ANGEL1: variants seen among roughly 807,000 people sequenced by gnomAD.
ANGEL1 encodes angel homolog 1.
In ANGEL1, 62 loss-of-function variants were observed where a neutral mutation model predicts 76.4. That is an observed-to-expected ratio of 0.81 (90% CI 0.66 to 1.00). The LOEUF (loss-of-function observed/expected upper bound fraction) is 1.00, where lower values mean the gene tolerates loss of function less well. ANGEL1 is among the 50% of genes least tolerant of loss of function. The pLI is 0.00. For synonymous variants in ANGEL1, 340 were observed against 331.7 expected (o/e 1.03, Z -0.27); for missense variants, 737 against 836.7 (o/e 0.88, Z 1.47).
chr14:76,812,824 T>C lies in ANGEL1; in HGVS notation c.4A>G (p.Ile2Val), dbSNP rs1208101245. 5 of 1,513,070 alleles carry C rather than the reference T, an allele frequency of 3.3e-6. No homozygotes were observed. Among genetic ancestry groups the C allele is most frequent in the South Asian group, 1.2e-5 (1 of 81,270 alleles). The allele number at this position is 1,513,070 out of a possible 1,614,324, so 93.7% of individuals were successfully genotyped here. Residue 2 changes from isoleucine to valine, a missense_variant, in exon 1 of 10, where the codon ATC (isoleucine) becomes GTC (valine). By Grantham distance (29) the Ile-to-Val change is conservative (BLOSUM62 3). Transcript: ENST00000251089. M[I>V]ASCLCYLLLP... ...AGCAGGTAACACAAGCACGACGCGATCATGGCCGGCCGCCCGCGCCCGCCT... is the reference window on the plus strand; with the variant it reads ...AGCAGGTAACACAAGCACGACGCGACCATGGCCGGCCGCCCGCGCCCGCCT...
intron 2 of ANGEL1, 132 bp downstream of exon 2, chr14:76,808,927 A>G: frequency 1.2e-6 from 1 of 858,324 alleles, no homozygotes; most frequent in Non-Finnish European, 1.8e-6. Context: ...TAGATCTGAC[A>G]TGCCAAGATT....
chr14:76,800,478 T>C (rs1369829902), intron 7 of ANGEL1, among the ~76,000 whole-genome samples: 2 of 152,232 alleles, frequency 1.3e-5, no homozygotes, highest in Non-Finnish European at 2.9e-5. Flanking sequence ...CCAATTCAAG[T>C]TAAATTCTTA....
At chr14:76,792,040 C>CA (rs1894421858) in intron 7 of ANGEL1, among the ~76,000 whole-genome samples, 1 of 152,034 alleles carries the variant, frequency 6.6e-6, no homozygotes, top group Admixed American at 6.6e-5. Flanking sequence ...ACAGAATACT[C>CA]AAATTACTAA....
rs763634438 is a variant in ANGEL1, at chr14:76,812,835, C to G, written c.-8G>C. On this transcript the variant is annotated 5_prime_UTR_variant, in exon 1 of 10. Transcript: ENST00000251089. ...CAAGCACGACGCGATCATGGCCGGC[C>G]GCCCGCGCCCGCCTCCGCTCCTCAC... The G allele has an allele frequency of 4.6e-6, 7 of 1,507,076 alleles. No individual in the cohort carries two copies. In the South Asian group the frequency reaches 6.2e-5, roughly 13 times the overall value. 93.4% of individuals were successfully genotyped at this position (1,507,076 alleles called of 1,614,324 possible). A position where few individuals can be genotyped will look rare whatever the true frequency, so the allele number is the denominator to read the frequency against.
Position 76,789,170 on chromosome 14 carries a change from C to A in ANGEL1, c.*58G>T. ...TTTCTAGATGCATGGGATTTTTCCACAGTCTCTGATCCAGTGAGCTCTTCT... is the reference window on the plus strand; with the variant it reads ...TTTCTAGATGCATGGGATTTTTCCAAAGTCTCTGATCCAGTGAGCTCTTCT... On this transcript the variant is annotated 3_prime_UTR_variant, in exon 10 of 10. Coordinates refer to ENST00000251089, the MANE Select transcript of ANGEL1 (RefSeq NM_015305.4). The A allele has an allele frequency of 6.3e-7, 1 of 1,576,976 alleles. No individual in the cohort carries two copies. Among genetic ancestry groups the A allele is most frequent in the Non-Finnish European group, 8.6e-7 (1 of 1,162,584 alleles).
chr14:76,807,449 G>T lies in ANGEL1; in HGVS notation c.930C>A (p.Pro310=). ...QEDHYWEQLE[P]SLRMMGFTCF... ...CTGCATTACCCATCATTCGCAGAGA[G>T]GGTTCCAGCTGCTCCCAGTAATGAT... Residue 310 remains proline, a synonymous_variant, in exon 4 of 10, where the codon CCC becomes CCA. Transcript: ENST00000251089. The T allele has an allele frequency of 6.2e-7, 1 of 1,612,952 alleles. No individual in the cohort carries two copies. Among genetic ancestry groups the T allele is most frequent in the Non-Finnish European group, 8.5e-7 (1 of 1,179,526 alleles).
intron 1 of ANGEL1, chr14:76,812,281 G>A (rs762136043): frequency 1.3e-5 from 13 of 990,390 alleles, no homozygotes; most frequent in Non-Finnish European, 1.6e-5. Context: ...CCAGGTGGCA[G>A]TGAAAGGCGA....
In ANGEL1 at chr14:76,807,504, TG is replaced by T. The variant is rs1403284036; in HGVS notation, c.877-3del. ...CTGGACTTCCTGGAGACACAGGATC[TG>T]GGAAATTGACAAGAAACCCAATCAC... On this transcript the variant is annotated splice_region_variant and splice_polypyrimidine_tract_variant and intron_variant, in intron 3 of 9. Transcript: ENST00000251089. 1.2e-6 allele frequency: 2 copies of T among 1,613,250 alleles called. No homozygotes were observed. The highest frequency in any genetic ancestry group is 8.5e-7 in the Non-Finnish European group (1 of 1,179,768).
intron 7 of ANGEL1, among the ~76,000 whole-genome samples, chr14:76,802,013 A>G: frequency 6.6e-6 from 1 of 151,932 alleles, no homozygotes; most frequent in African/African-American, 2.4e-5. Flanking sequence ...AAAAAAAGAA[A>G]AAAAAAAAAT....
chr14:76,801,943 G>A lies in ANGEL1; in HGVS notation c.1618+1428C>T, dbSNP rs548434400. Reference sequence around the variant, plus strand: ...AGGCCAAGGCAGGCAGACTGCCTGAGGTCAGGAGTTCGAGACCAGCCTGGA... The same window carrying A: ...AGGCCAAGGCAGGCAGACTGCCTGAAGTCAGGAGTTCGAGACCAGCCTGGA... On this transcript the variant is annotated intron_variant, in intron 7 of 9. Coordinates refer to ENST00000251089, the MANE Select transcript of ANGEL1 (RefSeq NM_015305.4). Among the ~76,000 whole-genome samples the A allele has an allele frequency of 1.3e-4, 20 of 152,144 alleles. No homozygotes were observed. The South Asian group carries it at 2.7e-3, about 21-fold the overall frequency.
rs1894333023 is a variant in ANGEL1, at chr14:76,789,440, A to C, written c.1853-52T>G. 1.9e-6 allele frequency: 3 copies of C among 1,600,272 alleles called. No homozygotes were observed. In the South Asian group the frequency reaches 3.4e-5, roughly 18 times the overall value. ...GTAAAAGCAGCCGCAGCCACACTGC[A>C]TGGGCAGGCAGTGGCAGAGTCCTTT... On this transcript the variant is annotated intron_variant, in intron 9 of 9. Transcript: ENST00000251089.
intron 1 of ANGEL1, 182 bp downstream of exon 1, chr14:76,812,582 G>A (rs1256343744): frequency 7.9e-7 from 1 of 1,270,580 alleles, no homozygotes; most frequent in East Asian, 3.2e-5. Flanking sequence ...GCCAGGTCCA[G>A]GCCTCGTGGG....
intron 3 of ANGEL1, 48 bp downstream of exon 3, chr14:76,807,874 C>G: frequency 6.3e-7 from 1 of 1,597,470 alleles, no homozygotes. Context: ...TGGGCAACAG[C>G]CCAGGTCCAG....
chr14:76,803,429 G>A lies in ANGEL1; in HGVS notation c.1560C>T (p.Ile520=), dbSNP rs1470133203. Reference sequence around the variant, plus strand: ...CCAGTCCTACTGGTCGCTGACAAGCGATGCTGCAGAAGCGGAAACGTAGCA... The same window carrying A: ...CCAGTCCTACTGGTCGCTGACAAGCAATGCTGCAGAAGCGGAAACGTAGCA... ...DFLLRFRFCS[I]ACQRPVGLVL... The change falls in exon 7 of 10, where the codon ATC becomes ATT. Residue 520 remains isoleucine (I), a synonymous_variant. Transcript: ENST00000251089. 1.1e-5 allele frequency: 18 copies of A among 1,614,088 alleles called. No individual in the cohort carries two copies. Among genetic ancestry groups the A allele is most frequent in the South Asian group, 2.2e-5 (2 of 91,088 alleles).
At chr14:76,791,618 A>AT (rs1894408045) in intron 7 of ANGEL1, among the ~76,000 whole-genome samples, 1 of 152,140 alleles carries the variant, frequency 6.6e-6, no homozygotes, top group African/African-American at 2.4e-5. Flanking sequence ...CTTTAATTTG[A>AT]TTAAAAAAAA....
intron 7 of ANGEL1, among the ~76,000 whole-genome samples, chr14:76,794,338 C>A (rs748207875): frequency 2.6e-5 from 4 of 152,070 alleles, no homozygotes; most frequent in Non-Finnish European, 5.9e-5. Context: ...ATGTTACGAA[C>A]AACTTCACGC....
rs896044969 is a variant in ANGEL1, at chr14:76,803,552, A to G, written c.1508-71T>C. On this transcript the variant is annotated intron_variant, in intron 6 of 9. Transcript: ENST00000251089. ...CACATGCTGAGACCTCCTTAGTACCAAGCAACTTCCAGCATAGGTACACAG... is the reference window on the plus strand; with the variant it reads ...CACATGCTGAGACCTCCTTAGTACCGAGCAACTTCCAGCATAGGTACACAG... 7 of 1,484,652 alleles carry G rather than the reference A, an allele frequency of 4.7e-6. No homozygotes were observed. The Admixed American group carries it at 7.0e-5, about 15-fold the overall frequency. The allele number at this position is 1,484,652 out of a possible 1,614,324, so 92.0% of individuals were successfully genotyped here. A position where few individuals can be genotyped will look rare whatever the true frequency, so the allele number is the denominator to read the frequency against.
At chr14:76,800,495 G>A (rs929746664) in intron 7 of ANGEL1, among the ~76,000 whole-genome samples, 15 of 152,340 alleles carry the variant, frequency 9.8e-5, no homozygotes, top group Non-Finnish European at 1.6e-4. Context: ...CTTACAAGAA[G>A]AGAATAAATT....
In ANGEL1 at chr14:76,807,977, T is replaced by A; in HGVS notation, c.821A>T (p.Asn274Ile). ...LYLHCHPDIL[N>I]WNYRFVNLMQ... ...GAGGTTCACGAAGCGATAGTTCCAA[T>A]TGAGGATGTCTGGATGGCAATGTAG... The change falls in exon 3 of 10, where the codon AAT (asparagine) becomes ATT (isoleucine). Residue 274 changes from asparagine (N) to isoleucine (I), a missense_variant. Transcript: ENST00000251089. 1 of 1,614,186 alleles carries A rather than the reference T, an allele frequency of 6.2e-7. No homozygotes were observed. Among genetic ancestry groups the A allele is most frequent in the Non-Finnish European group, 8.5e-7 (1 of 1,180,028 alleles).
Sources: gnomAD v4.1 joint callset for allele counts (sites outside exome capture counted in the v4.1 genomes callset) on GRCh38, gnomAD v4.1.1 for gene constraint, MANE v1.5 for transcripts, NCBI Gene and HGNC (gene_info 2026-07-23, HGNC 2026-07-21) for gene names.